Variants in SBK2 observed in about 807,000 individuals in gnomAD.
SBK2 encodes SH3 domain binding kinase family member 2, also known as serine/threonine-protein kinase SBK2.
SBK2 carries 18 observed loss-of-function variants against 15.9 expected under a neutral mutation model. The ratio of observed to expected loss-of-function variants is 1.13; its 90% CI spans 0.78 to 1.68. The LOEUF (loss-of-function observed/expected upper bound fraction) is 1.68, where lower values mean the gene tolerates loss of function less well. SBK2 is among the 40% of genes most tolerant of loss of function. The pLI is 0.00. For missense variants in SBK2, 581 were observed against 510.9 expected (o/e 1.14, Z -1.32); for synonymous variants, 284 against 246.8 (o/e 1.15, Z -1.41).
Position 55,531,384 on chromosome 19 carries a change from C to T in SBK2, c.254-39G>A, listed in dbSNP as rs191647190. 6.0e-3 allele frequency: 8,921 copies of T among 1,496,502 alleles called. 42 individuals are homozygous for T. Among genetic ancestry groups the T allele is most frequent in the Non-Finnish European group, 6.5e-3 (7,106 of 1,096,654 alleles). 92.7% of individuals were successfully genotyped at this position (1,496,502 alleles called of 1,614,324 possible). On this transcript the variant is annotated intron_variant, in intron 2 of 3. Coordinates refer to ENST00000413299, the MANE Select transcript of SBK2 (RefSeq NM_001370096.2). The stretch of plus-strand genomic sequence containing the variant: ...GACAGGTATGGGAGGCGTGCAGCAG[C>T]CAAGGGCCACCTGGGCCAGCTGCTC...
chr19:55,531,104 G>A, intron 3 of SBK2, 39 bp downstream of exon 3: 1 of 1,577,456 alleles, frequency 6.3e-7, no homozygotes, highest in Non-Finnish European at 8.6e-7. Context: ...TGGGAGGCCG[G>A]TGAGGCACTC....
In SBK2 at chr19:55,530,046, T is replaced by C. The variant is rs780663870; in HGVS notation, c.734A>G (p.Asp245Gly). 1.6e-5 allele frequency: 24 copies of C among 1,476,998 alleles called. No homozygotes were observed. Among genetic ancestry groups the C allele is most frequent in the East Asian group, 2.6e-5 (1 of 38,588 alleles). 91.5% of individuals were successfully genotyped at this position (1,476,998 alleles called of 1,614,324 possible). Residue 245 changes from aspartate (D) to glycine (G), a missense_variant, in exon 4 of 4, where the codon GAC (aspartate) becomes GGC (glycine). Physicochemically the swap from Asp to Gly is moderately conservative, Grantham distance 94. Coordinates refer to ENST00000413299, the MANE Select transcript of SBK2 (RefSeq NM_001370096.2). ...PEGLPIQPAL[D>G]AWALGVLLFC... The stretch of plus-strand genomic sequence containing the variant: ...GAGCAGGACGCCCAGCGCCCAGGCG[T>C]CCAGGGCGGGCTGAATGGGCAGGCC...
rs757826818 is a variant in SBK2, at chr19:55,531,216, T to C, written c.383A>G (p.Glu128Gly). 3.1e-6 allele frequency: 5 copies of C among 1,612,984 alleles called. No individual in the cohort carries two copies. The highest frequency in any genetic ancestry group is 2.2e-5 in the South Asian group (2 of 91,082). ...CAGGAAGCTGTAGGAGTGTGCCGAC[T>C]CGATGCCAATGCCGTAGGCCGTCAC... The part of the protein sequence containing the change: ...AIVTAYGIGI[E>G]SAHSYSFLTE... The change falls in exon 3 of 4, where the codon GAG becomes GGG. Residue 128 changes from glutamate (E) to glycine (G), a missense_variant. By Grantham distance (98) the Glu-to-Gly change is moderately conservative (BLOSUM62 -2). Coordinates refer to ENST00000413299, the MANE Select transcript of SBK2 (RefSeq NM_001370096.2).
intron 1 of SBK2, 26 bp downstream of exon 1, chr19:55,537,027 AC>A (rs1439281908): frequency 6.6e-6 from 1 of 152,628 alleles, no homozygotes; most frequent in African/African-American, 2.4e-5. Context: ...CCACCTCCCA[AC>A]CTGGGCTCAG....
intron 2 of SBK2, among the ~76,000 whole-genome samples, chr19:55,535,270 G>T (rs899346902): frequency 6.6e-6 from 1 of 151,228 alleles, no homozygotes; most frequent in Non-Finnish European, 1.5e-5. Context: ...TCCGTTTCAT[G>T]GAAGGACACG....
Position 55,532,601 on chromosome 19 carries a change from C to CTTTTT in SBK2, c.254-1261_254-1257dup, listed in dbSNP as rs10682612. Among the ~76,000 whole-genome samples, 1,174 of 128,340 alleles carry CTTTTT rather than the reference C, an allele frequency of 9.1e-3. 33 individuals carry two copies. Among genetic ancestry groups the CTTTTT allele is most frequent in the African/African-American group, 0.03 (970 of 32,748 alleles). 84.2% of individuals were successfully genotyped at this position (128,340 alleles called of 152,430 possible). A position where few individuals can be genotyped will look rare whatever the true frequency, so the allele number is the denominator to read the frequency against. On this transcript the variant is annotated intron_variant, in intron 2 of 3. Coordinates refer to ENST00000413299, the MANE Select transcript of SBK2 (RefSeq NM_001370096.2). ...ACAGGTGTGAGCCACTACACCCGCCCTTTTTTTTTTTTTTTTTAAGACAGG... is the reference window on the plus strand; with the variant it reads ...ACAGGTGTGAGCCACTACACCCGCCCTTTTTTTTTTTTTTTTTTTTTTAAGACAGG...
In SBK2 at chr19:55,528,876, G is replaced by C. The variant is rs1599939659; in HGVS notation, c.*857C>G. 1.3e-5 allele frequency among the ~76,000 whole-genome samples: 2 copies of C among 152,190 alleles called. No individual in the cohort carries two copies. The highest frequency in any genetic ancestry group is 2.1e-4 in the South Asian group (1 of 4,828). ...AGGCGGCAAAGACCCCCGACTCCAG[G>C]AGCTCACAAAATAACCACAAAAAAT... On this transcript the variant is annotated 3_prime_UTR_variant, in exon 4 of 4. Transcript: ENST00000413299.
chr19:55,533,695 A>AAAG, intron 2 of SBK2, among the ~76,000 whole-genome samples: 1 of 142,666 alleles, frequency 7.0e-6, no homozygotes, highest in Non-Finnish European at 1.5e-5. Context: ...AAAAAAAAAA[A>AAAG]AAAGAAAAAG....
In SBK2 at chr19:55,529,740, C is replaced by G. The variant is rs1426481091; in HGVS notation, c.1040G>C (p.Gly347Ala). Residue 347 changes from glycine to alanine, a missense_variant, in exon 4 of 4, where the codon GGG (glycine) becomes GCG (alanine). Coordinates refer to ENST00000413299, the MANE Select transcript of SBK2 (RefSeq NM_001370096.2). The stretch of plus-strand genomic sequence containing the variant: ...GCATCCCCCGGGGCCTCCTCACTGC[C>G]CAGCCTCCTCTTCCACCGCTCCCAC... ...EAVGAVEEEAGQ is the reference protein window; with the variant it reads ...EAVGAVEEEAAQ 3.1e-6 allele frequency: 5 copies of G among 1,600,418 alleles called. No homozygotes were observed. The highest frequency in any genetic ancestry group is 4.2e-6 in the Non-Finnish European group (5 of 1,179,458).
rs1988190064 is a variant in SBK2 at position 55,529,631 on chromosome 19, C to T, written c.*102G>A. On this transcript the variant is annotated 3_prime_UTR_variant, in exon 4 of 4. Transcript: ENST00000413299. Reference sequence around the variant, plus strand: ...GAGGAGGAGGACGCCGAGGGGAATCCCAAGCCCCATGGATGAAAACACACC... The same window carrying T: ...GAGGAGGAGGACGCCGAGGGGAATCTCAAGCCCCATGGATGAAAACACACC... 6.9e-7 allele frequency: 1 copy of T among 1,452,420 alleles called. No individual in the cohort carries two copies. Among genetic ancestry groups the T allele is most frequent in the Non-Finnish European group, 9.1e-7 (1 of 1,100,934 alleles). The allele number at this position is 1,452,420 out of a possible 1,614,324, so 90.0% of individuals were successfully genotyped here.
Position 55,529,760 on chromosome 19 carries a change from T to G in SBK2, c.1020A>C (p.Gly340=). 6.2e-7 allele frequency: 1 copy of G among 1,602,168 alleles called. No individual in the cohort carries two copies. The highest frequency in any genetic ancestry group is 8.5e-7 in the Non-Finnish European group (1 of 1,179,574). The part of the protein sequence containing the change: ...RQREGEAEAV[G]AVEEEAGQ Reference sequence around the variant, plus strand: ...ACTGCCCAGCCTCCTCTTCCACCGCTCCCACTGCCTCCGCCTCGCCCTCCC... The same window carrying G: ...ACTGCCCAGCCTCCTCTTCCACCGCGCCCACTGCCTCCGCCTCGCCCTCCC... Residue 340 remains glycine (G), a synonymous_variant, in exon 4 of 4, where the codon GGA becomes GGC. Transcript: ENST00000413299.
chr19:55,534,537 C>G (rs1429709552), intron 2 of SBK2, among the ~76,000 whole-genome samples: 1 of 149,690 alleles, frequency 6.7e-6, no homozygotes, highest in African/African-American at 2.5e-5. Context: ...GAGACCCCAT[C>G]TTAAAAAAAA....
chr19:55,534,404 T>C (rs1988344155), intron 2 of SBK2, among the ~76,000 whole-genome samples: 1 of 151,720 alleles, frequency 6.6e-6, no homozygotes, highest in Non-Finnish European at 1.5e-5. Flanking sequence ...TCCAAAGCTG[T>C]GAGGAAACAG....
chr19:55,530,157 C>A lies in SBK2; in HGVS notation c.623G>T (p.Arg208Met). The change falls in exon 4 of 4, where the codon AGG becomes ATG. Residue 208 changes from arginine to methionine, a missense_variant. Physicochemically the swap from Arg to Met is moderately conservative, Grantham distance 91. Coordinates refer to ENST00000413299, the MANE Select transcript of SBK2 (RefSeq NM_001370096.2). ...RFKLTDFGHT[R>M]PRGTLLRLAG... is the part of the protein sequence containing the mutation. The stretch of plus-strand genomic sequence containing the variant: ...CAGGCGCAGCAGCGTCCCGCGAGGC[C>A]TCGTGTGGCCGAAGTCGGTCAGCTT... 6.6e-7 allele frequency: 1 copy of A among 1,516,012 alleles called. No individual in the cohort carries two copies. Among genetic ancestry groups the A allele is most frequent in the South Asian group, 1.2e-5 (1 of 80,408 alleles). 93.9% of individuals were successfully genotyped at this position (1,516,012 alleles called of 1,614,324 possible). A position where few individuals can be genotyped will look rare whatever the true frequency, so the allele number is the denominator to read the frequency against.
chr19:55,535,195 C>G (rs917200725), intron 2 of SBK2, among the ~76,000 whole-genome samples: 4 of 152,140 alleles, frequency 2.6e-5, no homozygotes, highest in Non-Finnish European at 4.4e-5. Flanking sequence ...CCCAACCCCC[C>G]CAGCACAGGG....
intron 2 of SBK2, among the ~76,000 whole-genome samples, chr19:55,534,157 GC>G (rs1238595357): frequency 6.6e-6 from 1 of 152,142 alleles, no homozygotes; most frequent in African/African-American, 2.4e-5. Flanking sequence ...CCCCCCCAGT[GC>G]TGAATGTGGC....
At chr19:55,531,879 T>C (rs909726723) in intron 2 of SBK2, among the ~76,000 whole-genome samples, 4 of 151,812 alleles carry the variant, frequency 2.6e-5, no homozygotes, top group African/African-American at 9.7e-5. Flanking sequence ...CTTGGCCGGC[T>C]GAGGCAGGAG....
chr19:55,529,989 T>C lies in SBK2; in HGVS notation c.791A>G (p.Asp264Gly). The C allele has an allele frequency of 1.3e-6, 2 of 1,525,974 alleles. No homozygotes were observed. Among genetic ancestry groups the C allele is most frequent in the Non-Finnish European group, 8.8e-7 (1 of 1,138,768 alleles). 94.5% of individuals were successfully genotyped at this position (1,525,974 alleles called of 1,614,324 possible). ...GGGGTCGGCCTCGGCCAGGGGCCGG[T>C]CCCAGGGGAAGTAGCCCGTGAGGAG... ...FCLLTGYFPWDRPLAEADPFY... is the reference protein window; with the variant it reads ...FCLLTGYFPWGRPLAEADPFY... The change falls in exon 4 of 4, where the codon GAC (aspartate) becomes GGC (glycine). Residue 264 changes from aspartate (D) to glycine (G), a missense_variant. Transcript: ENST00000413299.
chr19:55,529,171 G>A lies in SBK2; in HGVS notation c.*562C>T, dbSNP rs1988179744. 1.3e-5 allele frequency among the ~76,000 whole-genome samples: 2 copies of A among 152,012 alleles called. No individual in the cohort carries two copies. The highest frequency in any genetic ancestry group is 3.4e-3 in the Middle Eastern group (1 of 294). ...GCTACTCAGGAGGCTGAGGCAGGAG[G>A]ATTGTTTGAGGCCAGGAGTTGACAC... is the stretch of plus-strand genomic sequence containing the variant. On this transcript the variant is annotated 3_prime_UTR_variant, in exon 4 of 4. Coordinates refer to ENST00000413299, the MANE Select transcript of SBK2 (RefSeq NM_001370096.2).
Sources: gnomAD v4.1 joint callset for allele counts (sites outside exome capture counted in the v4.1 genomes callset) on GRCh38, gnomAD v4.1.1 for gene constraint, MANE v1.5 for transcripts, NCBI Gene and HGNC (gene_info 2026-07-23, HGNC 2026-07-21) for gene names.